SLC1A3: variants seen among roughly 807,000 people sequenced by gnomAD.
SLC1A3 encodes excitatory amino acid transporter 1.
In SLC1A3, 21 loss-of-function variants were observed where a neutral mutation model predicts 48.1. That is an observed-to-expected ratio of 0.44 (90% confidence interval 0.31 to 0.63). SLC1A3 has a LOEUF of 0.63. Ranked by LOEUF, SLC1A3 falls within the 20% of genes least tolerant of loss-of-function variation. The probability of loss-of-function intolerance (pLI) is 0.08; values close to 1 mark genes in which losing one functional copy is unlikely to be tolerated. For missense variants in SLC1A3, 546 were observed against 689.0 expected (o/e 0.79, Z 2.32); for synonymous variants, 239 against 251.4 (o/e 0.95, Z 0.47).
chr5:36,631,359 T>G (rs1321788295), intron 3 of SLC1A3, among the ~76,000 whole-genome samples: 1 of 152,206 alleles, frequency 6.6e-6, no homozygotes, highest in Non-Finnish European at 1.5e-5. Flanking sequence ...TTCCTGATTT[T>G]TCTTAATACC....
chr5:36,601,260 TC>T (rs1738804242), intron 1 of SLC1A3, among the ~76,000 whole-genome samples: 2 of 137,196 alleles, frequency 1.5e-5, no homozygotes, highest in Admixed American at 1.4e-4. Context: ...TCAATAAGCT[TC>T]CTTTGGTACT....
intron 2 of SLC1A3, among the ~76,000 whole-genome samples, chr5:36,628,511 AT>A (rs1740001688): frequency 6.6e-6 from 1 of 152,188 alleles, no homozygotes; most frequent in Non-Finnish European, 1.5e-5. Context: ...ATGGAATCAC[AT>A]GTTTCAGTAA....
intron 3 of SLC1A3, among the ~76,000 whole-genome samples, chr5:36,630,717 C>T (rs915646973): frequency 2.0e-5 from 3 of 152,212 alleles, no homozygotes; most frequent in African/African-American, 7.2e-5. Flanking sequence ...CCTTGGAGGG[C>T]TGGCTATTAC....
At chr5:36,656,186 A>G (rs923720679) in intron 3 of SLC1A3, among the ~76,000 whole-genome samples, 2 of 152,236 alleles carry the variant, frequency 1.3e-5, no homozygotes, top group Non-Finnish European at 2.9e-5. Flanking sequence ...CTGGTTATTA[A>G]ACATATGTAC....
At chr5:36,609,420 G>A (rs761840708) in intron 2 of SLC1A3, 14 of 211,608 alleles carry the variant, frequency 6.6e-5, no homozygotes, top group Admixed American at 3.3e-4. Flanking sequence ...AAACATATAC[G>A]CCAATGCCAG....
At chr5:36,669,640 GA>G (rs1461897070) in intron 3 of SLC1A3, 1 of 152,104 alleles carries the variant, frequency 6.6e-6, no homozygotes, top group Non-Finnish European at 1.5e-5. Flanking sequence ...GGCTTATAAT[GA>G]AAATTATAAG....
At chr5:36,640,495 A>G (rs1740572745) in intron 3 of SLC1A3, among the ~76,000 whole-genome samples, 1 of 152,206 alleles carries the variant, frequency 6.6e-6, no homozygotes, top group Admixed American at 6.5e-5. Flanking sequence ...TTTTAAAACA[A>G]TTGTTTGAGT....
intron 3 of SLC1A3, among the ~76,000 whole-genome samples, chr5:36,644,998 A>G (rs1740777893): frequency 6.6e-6 from 1 of 152,202 alleles, no homozygotes; most frequent in South Asian, 2.1e-4. Flanking sequence ...TCTCACTGGT[A>G]TGAAGTAGAT....
At chr5:36,640,841 G>A (rs1007615686) in intron 3 of SLC1A3, among the ~76,000 whole-genome samples, 1 of 151,122 alleles carries the variant, frequency 6.6e-6, no homozygotes, top group East Asian at 1.9e-4. Flanking sequence ...CATCTACACT[G>A]CCACCCCCAC....
At position 36,610,297 on chromosome 5, in the gene SLC1A3, A is replaced by G. The variant is rs754406897; in HGVS notation, c.181+1693A>G. ...TTAGCTAGCAGTGCATTCACACAGC[A>G]TTGTCATTTAACTGCATGATTTACC... On this transcript the variant is annotated intron_variant, in intron 2 of 9. Transcript: ENST00000265113. Among the ~76,000 whole-genome samples, 93 of 152,350 alleles carry G rather than the reference A, an allele frequency of 6.1e-4. 1 individual carries two copies. Among genetic ancestry groups the G allele is most frequent in the Admixed American group, 3.5e-3 (53 of 15,300 alleles).
At chr5:36,636,402 G>A (rs1016534864) in intron 3 of SLC1A3, 6 of 152,074 alleles carry the variant, frequency 3.9e-5, no homozygotes, top group African/African-American at 2.4e-5. Flanking sequence ...GGGCTTCCTT[G>A]CTGGGAAATA....
At chr5:36,685,965 A>C (rs1418098870) in intron 9 of SLC1A3, 100 bp from the exon 10 acceptor site, 1 of 864,774 alleles carries the variant, frequency 1.2e-6, no homozygotes, top group African/African-American at 1.7e-5. Context: ...CGGCGAACTG[A>C]ATGTTAAGAG....
upstream of SLC1A3, among the ~76,000 whole-genome samples, chr5:36,601,950 G>A (rs1738813632): frequency 6.6e-6 from 1 of 152,104 alleles, no homozygotes; most frequent in African/African-American, 2.4e-5. Context: ...TGGTTCCTAA[G>A]TATGCAGTAG....
intron 9 of SLC1A3, among the ~76,000 whole-genome samples, chr5:36,684,677 A>G (rs1742575393): frequency 6.6e-6 from 1 of 152,210 alleles, no homozygotes; most frequent in African/African-American, 2.4e-5. Flanking sequence ...AGCCTAGAAC[A>G]GAGTACGTGT....
intron 6 of SLC1A3, 137 bp downstream of exon 6, chr5:36,677,321 A>G: frequency 1.4e-6 from 1 of 719,482 alleles, no homozygotes; most frequent in Admixed American, 2.5e-5. Flanking sequence ...AGGAAAATCA[A>G]TGAATCTCTG....
chr5:36,641,940 C>A (rs1248483802), intron 3 of SLC1A3, among the ~76,000 whole-genome samples: 1 of 152,128 alleles, frequency 6.6e-6, no homozygotes, highest in Non-Finnish European at 1.5e-5. Flanking sequence ...GCATGATTGA[C>A]AATTTCAAAT....
chr5:36,682,734 G>A lies in SLC1A3; in HGVS notation c.1290-1130G>A, dbSNP rs540064530. ...CCCAGATTTTAGTCAGTCGGAAGTG[G>A]GGAGATGGTATACCCTGCAAGTTGC... is the stretch of plus-strand genomic sequence containing the variant. On this transcript the variant is annotated intron_variant, in intron 8 of 9. Coordinates refer to ENST00000265113, the MANE Select transcript of SLC1A3 (RefSeq NM_004172.5). Among the ~76,000 whole-genome samples the A allele has an allele frequency of 5.3e-5, 8 of 152,290 alleles. No individual in the cohort carries two copies. The South Asian group carries it at 1.0e-3, about 20-fold the overall frequency.
At chr5:36,634,942 G>T (rs115028353) in intron 3 of SLC1A3, among the ~76,000 whole-genome samples, 1 of 152,306 alleles carries the variant, frequency 6.6e-6, no homozygotes, top group Non-Finnish European at 1.5e-5. Context: ...GTCATTTCGT[G>T]TAACACAAAA....
intron 4 of SLC1A3, 91 bp from the exon 5 acceptor site, chr5:36,673,958 G>A: frequency 9.9e-7 from 1 of 1,005,682 alleles, no homozygotes; most frequent in Non-Finnish European, 1.6e-6. Context: ...TTGGTTCAAT[G>A]CAATCTTTAC....
Sources: allele counts gnomAD v4.1 joint callset (sites outside exome capture counted in the v4.1 genomes callset), GRCh38; gene constraint gnomAD v4.1.1; transcripts MANE v1.5; gene names NCBI Gene and HGNC (gene_info 2026-07-23, HGNC 2026-07-21).